SCHIP1: variants seen among roughly 807,000 people sequenced by gnomAD.
SCHIP1 encodes schwannomin interacting protein 1, also known as schwannomin-interacting protein 1.
A neutral mutation model predicts 29.7 loss-of-function variants in SCHIP1; 8 were observed. The observed-to-expected ratio is 0.27, with a 90% CI of 0.16 to 0.49. SCHIP1 has a LOEUF of 0.49. SCHIP1 is among the 20% of genes least tolerant of loss of function. The probability of loss-of-function intolerance (pLI) is 0.99; values close to 1 mark genes in which losing one functional copy is unlikely to be tolerated. For missense variants in SCHIP1, 193 were observed against 294.6 expected (o/e 0.66, Z 2.52); for synonymous variants, 76 against 94.9 (o/e 0.80, Z 1.16).
At chr3:159,509,918 A>C in the SCHIP1 span, among the ~76,000 whole-genome samples, 11 of 152,012 alleles carry the variant, frequency 7.2e-5, no homozygotes, top group African/African-American at 2.7e-4. Flanking sequence ...CTTCATTTCA[A>C]CTTTGGTGAA....
At chr3:159,372,516 T>C in the SCHIP1 span, among the ~76,000 whole-genome samples, 1 of 152,150 alleles carries the variant, frequency 6.6e-6, no homozygotes, top group African/African-American at 2.4e-5. Flanking sequence ...AAATTATTTT[T>C]ATATTTTCAC....
At chr3:159,860,021 G>T (rs984104841) in intron 1 of SCHIP1, among the ~76,000 whole-genome samples, 1 of 151,940 alleles carries the variant, frequency 6.6e-6, no homozygotes, top group Non-Finnish European at 1.5e-5. Flanking sequence ...CTGTCTGTCT[G>T]TCTGTCTGCG....
chr3:159,780,665 C>T, the SCHIP1 span, among the ~76,000 whole-genome samples: 3 of 152,314 alleles, frequency 2.0e-5, no homozygotes, highest in East Asian at 1.9e-4. Context: ...TCATTCGTCT[C>T]GGCATCTTGT....
intron 3 of SCHIP1, chr3:159,887,504 G>A (rs934695679): frequency 8.5e-6 from 5 of 591,280 alleles, no homozygotes; most frequent in Admixed American, 2.9e-5. Context: ...TAACTATACT[G>A]CTCTCTCTGT....
At chr3:159,642,184 C>T in the SCHIP1 span, among the ~76,000 whole-genome samples, 2 of 151,900 alleles carry the variant, frequency 1.3e-5, no homozygotes, top group East Asian at 1.9e-4. Flanking sequence ...ATATAAATAG[C>T]CCTCAATATA....
rs748162622 is a variant in SCHIP1, at chr3:159,887,670, T to C, written c.268-38T>C. On this transcript the variant is annotated intron_variant, in intron 3 of 6. Coordinates refer to ENST00000445224, the Ensembl canonical transcript of SCHIP1. Reference sequence around the variant, plus strand: ...ATCTCTAAGTGGATGCTAGCTGGCATGCATGGAAGGCTCAGGCTGCTCTTT... The same window carrying C: ...ATCTCTAAGTGGATGCTAGCTGGCACGCATGGAAGGCTCAGGCTGCTCTTT... 3.1e-6 allele frequency: 5 copies of C among 1,610,852 alleles called. No individual in the cohort carries two copies. The Middle Eastern group carries it at 5.0e-4, about 161-fold the overall frequency.
the SCHIP1 span, among the ~76,000 whole-genome samples, chr3:159,398,117 A>G: frequency 6.6e-6 from 1 of 152,052 alleles, no homozygotes; most frequent in Non-Finnish European, 1.5e-5. Flanking sequence ...CCTTTCTTTG[A>G]CTAGGAAAGG....
the SCHIP1 span, among the ~76,000 whole-genome samples, chr3:159,407,247 C>G: frequency 6.6e-6 from 1 of 152,088 alleles, no homozygotes; most frequent in African/African-American, 2.4e-5. Flanking sequence ...ATACTTATAT[C>G]AGACAAAATG....
the SCHIP1 span, among the ~76,000 whole-genome samples, chr3:159,666,198 A>C: frequency 6.6e-6 from 1 of 152,200 alleles, no homozygotes; most frequent in Non-Finnish European, 1.5e-5. Flanking sequence ...TACAGGTTGC[A>C]CACTGAGCAA....
At chr3:159,494,057 G>A in the SCHIP1 span, among the ~76,000 whole-genome samples, 77 of 152,218 alleles carry the variant, frequency 5.1e-4, no homozygotes, top group African/African-American at 1.8e-3. Flanking sequence ...AAACCAACAA[G>A]AACAAAGACA....
At chr3:159,282,382 A>G in the SCHIP1 span, among the ~76,000 whole-genome samples, 2 of 151,698 alleles carry the variant, frequency 1.3e-5, no homozygotes, top group East Asian at 1.9e-4. Flanking sequence ...CTGAGATTTT[A>G]TGTGTTAAAT....
the SCHIP1 span, among the ~76,000 whole-genome samples, chr3:159,623,584 C>G: frequency 1.3e-5 from 2 of 152,162 alleles, no homozygotes; most frequent in Non-Finnish European, 2.9e-5. Flanking sequence ...TGAGATCGTG[C>G]CACTGCACTC....
chr3:159,627,889 C>T, the SCHIP1 span, among the ~76,000 whole-genome samples: 1 of 152,126 alleles, frequency 6.6e-6, no homozygotes, highest in Admixed American at 6.5e-5. Context: ...AAGGCAGCTG[C>T]TGAAAGGTAG....
At chr3:159,529,453 CT>C in the SCHIP1 span, among the ~76,000 whole-genome samples, 5 of 151,822 alleles carry the variant, frequency 3.3e-5, no homozygotes, top group African/African-American at 9.7e-5. Flanking sequence ...TACATGTTCC[CT>C]TTTTTTTATT....
intron 1 of SCHIP1, chr3:159,840,234 T>G: frequency 6.5e-7 from 1 of 1,527,402 alleles, no homozygotes; most frequent in Admixed American, 2.0e-5. Flanking sequence ...AAAGCCTGAT[T>G]CTGAGGCCGG....
chr3:159,614,253 A>G, the SCHIP1 span, among the ~76,000 whole-genome samples: 34 of 152,354 alleles, frequency 2.2e-4, no homozygotes, highest in South Asian at 1.0e-3. Flanking sequence ...CAACCAATTG[A>G]GAGCTTTAGA....
At chr3:159,750,284 TATATATATATATACACACAC>T in the SCHIP1 span, among the ~76,000 whole-genome samples, 2 of 60,986 alleles carry the variant, frequency 3.3e-5, no homozygotes, top group East Asian at 4.3e-4. Flanking sequence ...TATATATATA[TATATATATATATACACACAC>T]ACACACACAC....
At chr3:159,734,713 A>G in the SCHIP1 span, among the ~76,000 whole-genome samples, 1 of 151,336 alleles carries the variant, frequency 6.6e-6, no homozygotes, top group Admixed American at 6.6e-5. Context: ...AAAAGAATGA[A>G]TGTTAATTAG....
At chr3:159,282,348 T>C in the SCHIP1 span, among the ~76,000 whole-genome samples, 4 of 152,006 alleles carry the variant, frequency 2.6e-5, no homozygotes, top group Non-Finnish European at 5.9e-5. Context: ...TGTTGACTTA[T>C]TCTGTGAATT....
Sources: gnomAD v4.1 joint callset for allele counts (sites outside exome capture counted in the v4.1 genomes callset) on GRCh38, gnomAD v4.1.1 for gene constraint, MANE v1.5 for transcripts, NCBI Gene and HGNC (gene_info 2026-07-23, HGNC 2026-07-21) for gene names.